Variants in SGMS1 observed in about 807,000 individuals in gnomAD.
SGMS1 encodes phosphatidylcholine:ceramide cholinephosphotransferase 1.
In SGMS1, 13 loss-of-function variants were observed where a neutral mutation model predicts 46.2. That is an observed-to-expected ratio of 0.28 (90% CI 0.18 to 0.45). The LOEUF is 0.45. SGMS1 is among the 20% of genes least tolerant of loss of function. The pLI is 1.00. For missense variants in SGMS1, 324 were observed against 519.9 expected (o/e 0.62, Z 3.66); for synonymous variants, 203 against 187.8 (o/e 1.08, Z -0.66).
intron 1 of SGMS1, among the ~76,000 whole-genome samples, chr10:50,592,970 C>G (rs1336359698): frequency 7.7e-6 from 1 of 130,062 alleles, no homozygotes. Flanking sequence ...TAGTCCCGTC[C>G]CACTTGGAAC....
At chr10:50,550,722 T>A (rs1430639435) in intron 2 of SGMS1, among the ~76,000 whole-genome samples, 1 of 152,088 alleles carries the variant, frequency 6.6e-6, no homozygotes, top group Non-Finnish European at 1.5e-5. Context: ...ACCCTTGAAC[T>A]CCTTGGAAAA....
chr10:50,456,128 C>T (rs751187541), intron 5 of SGMS1, among the ~76,000 whole-genome samples: 1 of 152,170 alleles, frequency 6.6e-6, no homozygotes, highest in Non-Finnish European at 1.5e-5. Context: ...ATCTCTTTTA[C>T]ATCCACCCAT....
chr10:50,600,777 G>A (rs755935093), intron 1 of SGMS1, among the ~76,000 whole-genome samples: 5 of 152,164 alleles, frequency 3.3e-5, no homozygotes, highest in Admixed American at 2.0e-4. Flanking sequence ...CTAAGAACAC[G>A]TTAATTTTTG....
intron 2 of SGMS1, among the ~76,000 whole-genome samples, chr10:50,589,124 G>A (rs1184338248): frequency 6.6e-6 from 1 of 152,150 alleles, no homozygotes; most frequent in African/African-American, 2.4e-5. Flanking sequence ...GCGGGGATGG[G>A]TAGATTACAG....
chr10:50,461,042 A>G (rs1837258229), intron 4 of SGMS1, among the ~76,000 whole-genome samples: 1 of 152,140 alleles, frequency 6.6e-6, no homozygotes, highest in South Asian at 2.1e-4. Context: ...TATAATATAT[A>G]CATATAATAT....
At chr10:50,429,700 C>T (rs1340346321) in intron 6 of SGMS1, among the ~76,000 whole-genome samples, 2 of 3,072 alleles carry the variant, frequency 6.5e-4, no homozygotes, top group Admixed American at 4.0e-3. Flanking sequence ...CACATACACA[C>T]ACACACACAC....
intron 7 of SGMS1, 62 bp from the exon 8 acceptor site, chr10:50,327,384 T>A: frequency 1.0e-6 from 1 of 979,964 alleles, no homozygotes; most frequent in Non-Finnish European, 1.6e-6. Context: ...TCATTTACTG[T>A]AATTTTTCAA....
rs535565782 is a variant in SGMS1 at position 50,356,490 on chromosome 10, A to T, written c.-231-12145T>A. 2.7e-3 allele frequency among the ~76,000 whole-genome samples: 405 copies of T among 152,146 alleles called. 2 individuals carry two copies. Among genetic ancestry groups the T allele is most frequent in the African/African-American group, 9.0e-3 (375 of 41,536 alleles). On this transcript the variant is annotated intron_variant, in intron 6 of 10. Coordinates refer to ENST00000361781, the MANE Select transcript of SGMS1 (RefSeq NM_147156.4). ...CCTTTGTTCACATGTTTATCTGCTG[A>T]CCTTCCCTCCACTATTGTCCTATGA...
At chr10:50,405,626 A>T (rs1292446451) in intron 6 of SGMS1, among the ~76,000 whole-genome samples, 1 of 152,228 alleles carries the variant, frequency 6.6e-6, no homozygotes, top group African/African-American at 2.4e-5. Flanking sequence ...ACACCCTCAC[A>T]AATGAAAGAA....
At chr10:50,577,943 T>C (rs1838399871) in intron 2 of SGMS1, among the ~76,000 whole-genome samples, 1 of 152,212 alleles carries the variant, frequency 6.6e-6, no homozygotes, top group African/African-American at 2.4e-5. Flanking sequence ...CCATGTTGGT[T>C]ACTACACAAT....
intron 1 of SGMS1, among the ~76,000 whole-genome samples, chr10:50,602,707 A>T (rs1296917144): frequency 6.6e-6 from 1 of 152,242 alleles, no homozygotes; most frequent in East Asian, 1.9e-4. Flanking sequence ...TTAACATTTG[A>T]TAAAACTGGA....
intron 3 of SGMS1, among the ~76,000 whole-genome samples, chr10:50,495,081 A>T (rs570004999): frequency 6.8e-6 from 1 of 148,040 alleles, no homozygotes; most frequent in East Asian, 2.0e-4. Flanking sequence ...TACAAAAAAA[A>T]AAAAAAATTA....
intron 3 of SGMS1, among the ~76,000 whole-genome samples, chr10:50,493,380 G>T (rs1030492710): frequency 6.6e-6 from 1 of 152,098 alleles, no homozygotes; most frequent in African/African-American, 2.4e-5. Flanking sequence ...GACAACCTAG[G>T]CAATACCATT....
intron 2 of SGMS1, among the ~76,000 whole-genome samples, chr10:50,530,242 C>T (rs3011782): frequency 0.17 from 26,604 of 152,156 alleles, 2,991 homozygotes; most frequent in Non-Finnish European, 0.26. Context: ...ACTGTATGTG[C>T]TTTTCTGTCC....
upstream of SGMS1, chr10:50,624,646 A>G (rs781719946): frequency 1.0e-6 from 1 of 985,408 alleles, no homozygotes; most frequent in Non-Finnish European, 1.2e-6. Context: ...AAACCCGGAG[A>G]GCGGCTAGGC....
At chr10:50,371,247 A>G (rs1285018905) in intron 6 of SGMS1, among the ~76,000 whole-genome samples, 1 of 152,188 alleles carries the variant, frequency 6.6e-6, no homozygotes, top group Non-Finnish European at 1.5e-5. Flanking sequence ...ATAATTTGTC[A>G]TTGACCAAAA....
intron 4 of SGMS1, among the ~76,000 whole-genome samples, chr10:50,464,615 G>C (rs955671523): frequency 6.6e-6 from 1 of 152,166 alleles, no homozygotes; most frequent in East Asian, 1.9e-4. Context: ...GTATTTTTTG[G>C]TAGAGACGGG....
chr10:50,395,445 C>A (rs1848835923), intron 6 of SGMS1, among the ~76,000 whole-genome samples: 2 of 152,164 alleles, frequency 1.3e-5, no homozygotes, highest in Admixed American at 1.3e-4. Flanking sequence ...TTAGTATTAG[C>A]CAACCTAAGC....
chr10:50,309,222 TA>T (rs200412512), intron 9 of SGMS1, among the ~76,000 whole-genome samples: 2,073 of 152,244 alleles, frequency 0.014, 42 homozygotes, highest in African/African-American at 0.046. Flanking sequence ...AGGAATATTC[TA>T]GTAATATTTG....
Sources: allele counts gnomAD v4.1 joint callset (sites outside exome capture counted in the v4.1 genomes callset), GRCh38; gene constraint gnomAD v4.1.1; transcripts MANE v1.5; gene names NCBI Gene and HGNC (gene_info 2026-07-23, HGNC 2026-07-21).